Variants in ACCS observed in about 807,000 individuals in gnomAD.
ACCS encodes the protein 1-aminocyclopropane-1-carboxylate synthase homolog (inactive), also known as 1-aminocyclopropane-1-carboxylate synthase-like protein 1.
ACCS carries 42 observed loss-of-function variants against 59.8 expected under a neutral mutation model. The observed-to-expected ratio is 0.70, with a 90% confidence interval of 0.55 to 0.91. ACCS has a LOEUF of 0.91. ACCS is among the 40% of genes least tolerant of loss of function. The probability of loss-of-function intolerance (pLI) is 0.00; values close to 1 mark genes in which losing one functional copy is unlikely to be tolerated. For synonymous variants in ACCS, 230 were observed against 240.3 expected, an observed-to-expected ratio of 0.96 and a Z score of 0.40; for missense variants, 602 against 630.4, an observed-to-expected ratio of 0.95 and a Z score of 0.48.
Position 44,067,769 on chromosome 11 carries a change from C to A in ACCS, c.142C>A (p.Arg48Ser). The A allele has an allele frequency of 6.2e-7, 1 of 1,614,160 alleles. No individual in the cohort carries two copies. Among genetic ancestry groups the A allele is most frequent in the African/African-American group, 1.3e-5 (1 of 75,034 alleles). ...RKLDQKLPEL[R>S]GVGDPAMISS... ...ACTGGACCAGAAGCTGCCAGAGCTC[C>A]GTGGAGTGGGTGATCCTGCCATGAT... Residue 48 changes from arginine to serine, a missense_variant, in exon 2 of 15, where the codon CGT (arginine) becomes AGT (serine). Arg to Ser is a moderately radical substitution (Grantham distance 110). Transcript: ENST00000263776.
chr11:44,075,221 T>C (rs1225773976), intron 5 of ACCS, among the ~76,000 whole-genome samples: 1 of 152,208 alleles, frequency 6.6e-6, no homozygotes, highest in East Asian at 1.9e-4. Flanking sequence ...TAGGAATACC[T>C]TCTCCCTCCT....
chr11:44,083,029 C>T, intron 12 of ACCS, 140 bp from the exon 13 acceptor site: 1 of 1,145,720 alleles, frequency 8.7e-7, no homozygotes, highest in Non-Finnish European at 1.3e-6. Flanking sequence ...CGTAATCCTT[C>T]CCACCACAGC....
At chr11:44,078,990 T>G in intron 9 of ACCS, 1 of 568,762 alleles carries the variant, frequency 1.8e-6, no homozygotes, top group Non-Finnish European at 3.1e-6. Flanking sequence ...AGCTATCAAT[T>G]AGCGCACACT....
At chr11:44,081,771 G>T (rs749036171) in intron 12 of ACCS, among the ~76,000 whole-genome samples, 2 of 152,170 alleles carry the variant, frequency 1.3e-5, no homozygotes, top group Non-Finnish European at 2.9e-5. Flanking sequence ...TGAGGTTGAG[G>T]CTACAGTGAG....
chr11:44,077,783 A>T lies in ACCS; in HGVS notation c.655-62A>T, dbSNP rs377437583. The T allele has an allele frequency of 1.9e-6, 3 of 1,587,818 alleles. No individual in the cohort carries two copies. The African/African-American group carries it at 4.0e-5, about 21-fold the overall frequency. On this transcript the variant is annotated intron_variant, in intron 7 of 14. Coordinates refer to ENST00000263776, the MANE Select transcript of ACCS (RefSeq NM_032592.4). ...GGGGAGGAGAGGCCTGAGAGTTCAT[A>T]TGTATTTTGGGGGGCAATGGTCACT...
At chr11:44,071,744 G>A (rs146031040) in intron 3 of ACCS, 144 of 163,330 alleles carry the variant, frequency 8.8e-4, no homozygotes, top group African/African-American at 3.3e-3. Context: ...GAAGAGAGCT[G>A]CATGGGCACA....
chr11:44,067,355 T>C (rs1397000892), intron 1 of ACCS: 3 of 350,346 alleles, frequency 8.6e-6, no homozygotes, highest in African/African-American at 4.3e-5. Context: ...TGAAAAACTT[T>C]TGCAGAAGTA....
chr11:44,078,314 A>G, intron 8 of ACCS: 1 of 312,134 alleles, frequency 3.2e-6, no homozygotes, highest in South Asian at 7.0e-5. Flanking sequence ...AAAGGAGAGC[A>G]GAGACCAGTA....
At position 44,080,669 on chromosome 11, in the gene ACCS, A is replaced by T. The variant is rs188455061; in HGVS notation, c.924-351A>T. Reference sequence around the variant, plus strand: ...GAATGCTAAAAGGGAGAGTCCAGGGAGCTGTGAGAGGATCTGTTTAGGGTA... The same window carrying T: ...GAATGCTAAAAGGGAGAGTCCAGGGTGCTGTGAGAGGATCTGTTTAGGGTA... On this transcript the variant is annotated intron_variant, in intron 10 of 14. Coordinates refer to ENST00000263776, the MANE Select transcript of ACCS (RefSeq NM_032592.4). 1.2e-5 allele frequency: 4 copies of T among 328,860 alleles called. No homozygotes were observed. The East Asian group carries it at 2.8e-4, about 23-fold the overall frequency. 20.4% of individuals were successfully genotyped at this position (328,860 alleles called of 1,614,324 possible).
intron 6 of ACCS, chr11:44,075,901 C>G (rs777329814): frequency 7.1e-6 from 2 of 282,796 alleles, no homozygotes; most frequent in Non-Finnish European, 1.3e-5. Context: ...GTGGTCGTGC[C>G]GTGCCTGTCT....
intron 3 of ACCS, chr11:44,072,543 A>G (rs1470045757): frequency 2.0e-5 from 3 of 152,168 alleles, no homozygotes; most frequent in South Asian, 4.1e-4. Context: ...TGAGCCACAT[A>G]TATCAATTTA....
At chr11:44,073,390 T>C (rs1953155071) in intron 3 of ACCS, 57 bp from the exon 4 acceptor site, 1 of 1,421,734 alleles carries the variant, frequency 7.0e-7, no homozygotes, top group Non-Finnish European at 9.8e-7. Context: ...TGCCCTGTGC[T>C]GTGGATGCTG....
chr11:44,078,376 T>C (rs575725614), intron 8 of ACCS: 8 of 311,356 alleles, frequency 2.6e-5, no homozygotes, highest in Non-Finnish European at 4.7e-5. Context: ...TAATTTTTTT[T>C]TACTTCTGTC....
chr11:44,072,157 T>TTTATTTATTTATTTATTTAA (rs1953081579), intron 3 of ACCS: 1 of 151,506 alleles, frequency 6.6e-6, no homozygotes. Flanking sequence ...ATTTTATTTA[T>TTTATTTATTTATTTATTTAA]TTATTTATTT....
chr11:44,073,679 C>A, intron 4 of ACCS, 162 bp downstream of exon 4: 2 of 679,804 alleles, frequency 2.9e-6, no homozygotes, highest in Non-Finnish European at 4.8e-6. Context: ...ACAGCCCCCA[C>A]AATGAAGAAT....
chr11:44,073,472 T>C lies in ACCS; in HGVS notation c.374T>C (p.Val125Ala), dbSNP rs1364200548. Reference protein sequence around the residue: ...WRLSQRDMQRVEPSLLQYADW... With the variant: ...WRLSQRDMQRAEPSLLQYADW... Reference sequence around the variant, plus strand: ...CTGAGTCAGCGCGACATGCAGAGGGTGGAGCCATCCCTGCTGCAGTATGCT... The same window carrying C: ...CTGAGTCAGCGCGACATGCAGAGGGCGGAGCCATCCCTGCTGCAGTATGCT... The change falls in exon 4 of 15, where the codon GTG becomes GCG. Residue 125 changes from valine to alanine, a missense_variant. Transcript: ENST00000263776. The C allele has an allele frequency of 6.2e-7, 1 of 1,608,672 alleles. No homozygotes were observed. Among genetic ancestry groups the C allele is most frequent in the Non-Finnish European group, 8.5e-7 (1 of 1,177,918 alleles).
At chr11:44,083,599 C>A (rs375078868) in intron 14 of ACCS, 22 bp downstream of exon 14, 68 of 1,614,050 alleles carry the variant, frequency 4.2e-5, no homozygotes, top group Non-Finnish European at 5.6e-5. Context: ...GCCTTTCCAG[C>A]CCAGTCCTAA....
At chr11:44,078,831 G>T in intron 9 of ACCS, 47 bp downstream of exon 9, 1 of 1,552,294 alleles carries the variant, frequency 6.4e-7, no homozygotes, top group Non-Finnish European at 8.9e-7. Flanking sequence ...GGCAGCCTGG[G>T]GTTCCAATGC....
At chr11:44,074,958 G>A (rs190158263) in intron 5 of ACCS, among the ~76,000 whole-genome samples, 1 of 151,542 alleles carries the variant, frequency 6.6e-6, no homozygotes, top group Admixed American at 6.6e-5. Flanking sequence ...CCGAGTAGGT[G>A]GGATTACAGG....
Sources: allele counts gnomAD v4.1 joint callset (sites outside exome capture counted in the v4.1 genomes callset), GRCh38; gene constraint gnomAD v4.1.1; transcripts MANE v1.5; gene names NCBI Gene and HGNC (gene_info 2026-07-23, HGNC 2026-07-21).